The following ANKRD11 variants were observed in gnomAD, a reference collection of about 807,000 sequenced individuals.
The protein encoded by ANKRD11 is ankyrin repeat domain-containing protein 11.
Under a neutral mutation model 195.7 loss-of-function variants are expected in ANKRD11, and 17 were observed. The observed-to-expected ratio is 0.09, with a 90% confidence interval of 0.06 to 0.13. The LOEUF (loss-of-function observed/expected upper bound fraction) is 0.13. Ranked by LOEUF, ANKRD11 falls within the 10% of genes least tolerant of loss-of-function variation. The probability of loss-of-function intolerance (pLI) is 1.00; values close to 1 mark genes in which losing one functional copy is unlikely to be tolerated. For synonymous variants in ANKRD11, 1,953 were observed against 1,528.1 expected (o/e 1.28, Z -6.49); for missense variants, 3,735 against 3,566.1 (o/e 1.05, Z -1.21).
intron 2 of ANKRD11, among the ~76,000 whole-genome samples, chr16:89,387,444 G>A (rs1033264652): frequency 1.3e-5 from 2 of 150,232 alleles, no homozygotes; most frequent in African/African-American, 2.5e-5. Flanking sequence ...AGGCTGAGGC[G>A]GGCAGATCAC....
intron 2 of ANKRD11, among the ~76,000 whole-genome samples, chr16:89,371,123 G>C (rs1050310925): frequency 6.6e-6 from 1 of 152,162 alleles, no homozygotes; most frequent in Non-Finnish European, 1.5e-5. Flanking sequence ...GGGGGAAGAC[G>C]GGACGAGCGT....
intron 2 of ANKRD11, among the ~76,000 whole-genome samples, chr16:89,379,246 C>T (rs1188650464): frequency 6.6e-6 from 1 of 152,230 alleles, no homozygotes; most frequent in Non-Finnish European, 1.5e-5. Flanking sequence ...CAGGCTCATG[C>T]TTTTTTAATC....
chr16:89,475,173 G>C (rs779451410), intron 1 of ANKRD11, among the ~76,000 whole-genome samples: 1 of 152,218 alleles, frequency 6.6e-6, no homozygotes, highest in African/African-American at 2.4e-5. Flanking sequence ...CAGTGGGTTG[G>C]AGAGATGGAC....
intron 2 of ANKRD11, chr16:89,324,370 C>T (rs189386028): frequency 1.3e-5 from 11 of 868,192 alleles, no homozygotes; most frequent in Admixed American, 7.0e-5. Flanking sequence ...GCCAGGAGGG[C>T]GGCACGTGGG....
chr16:89,338,903 CA>C (rs775295551), intron 2 of ANKRD11, among the ~76,000 whole-genome samples: 2 of 151,938 alleles, frequency 1.3e-5, no homozygotes, highest in Admixed American at 6.6e-5. Context: ...TAATTAGTAA[CA>C]AAAAAATCAC....
At chr16:89,387,062 G>A (rs1448103376) in intron 2 of ANKRD11, among the ~76,000 whole-genome samples, 4 of 152,134 alleles carry the variant, frequency 2.6e-5, no homozygotes, top group African/African-American at 9.7e-5. Context: ...CCTGGAAGGT[G>A]CAGGAGCCAC....
chr16:89,343,047 T>C (rs183345790), intron 2 of ANKRD11, among the ~76,000 whole-genome samples: 9 of 152,334 alleles, frequency 5.9e-5, no homozygotes, highest in Admixed American at 3.9e-4. Flanking sequence ...TGAGACGCAG[T>C]CTTGCTGTTG....
rs1044246767 is a variant in ANKRD11 at position 89,286,509 on chromosome 16, G to C, written c.745-323C>G. 8.3e-5 allele frequency: 44 copies of C among 530,522 alleles called. No individual in the cohort carries two copies. The Admixed American group carries it at 1.6e-3, about 19-fold the overall frequency. The allele number at this position is 530,522 out of a possible 1,614,324, so 32.9% of individuals were successfully genotyped here. On this transcript the variant is annotated intron_variant, in intron 7 of 12. Coordinates refer to ENST00000301030, the MANE Select transcript of ANKRD11 (RefSeq NM_013275.6). The stretch of plus-strand genomic sequence containing the variant: ...TTGCCGCAAGTAGACGACTTCCCAG[G>C]AATCTTCTCACGAAGGCTCTCCCCT...
intron 1 of ANKRD11, among the ~76,000 whole-genome samples, chr16:89,479,877 A>G (rs2057385214): frequency 6.8e-6 from 1 of 147,938 alleles, no homozygotes; most frequent in Non-Finnish European, 1.5e-5. Flanking sequence ...TGGGAGTCGG[A>G]GCTTGCAGTG....
chr16:89,485,510 GGTTTCTTAGA>G (rs957522577), intron 1 of ANKRD11, among the ~76,000 whole-genome samples: 1 of 151,976 alleles, frequency 6.6e-6, no homozygotes, highest in Non-Finnish European at 1.5e-5. Context: ...AAAACTGTGA[GGTTTCTTAGA>G]GCTAGAATAG....
intron 1 of ANKRD11, among the ~76,000 whole-genome samples, chr16:89,473,425 A>C (rs962620190): frequency 6.6e-6 from 1 of 152,306 alleles, no homozygotes; most frequent in African/African-American, 2.4e-5. Flanking sequence ...CCATCATCTC[A>C]TCTCACCTCA....
At chr16:89,348,716 G>A (rs1448373750) in intron 2 of ANKRD11, among the ~76,000 whole-genome samples, 1 of 152,034 alleles carries the variant, frequency 6.6e-6, no homozygotes, top group African/African-American at 2.4e-5. Context: ...CATCTCAGCT[G>A]TCTAATTTAT....
At chr16:89,441,113 GT>G (rs2043441251) in intron 1 of ANKRD11, among the ~76,000 whole-genome samples, 2 of 151,846 alleles carry the variant, frequency 1.3e-5, no homozygotes. Context: ...GTGGGCGCCT[GT>G]AGTCCCAGCT....
chr16:89,381,319 G>C (rs867756995), intron 2 of ANKRD11, among the ~76,000 whole-genome samples: 1 of 126,988 alleles, frequency 7.9e-6, no homozygotes. Context: ...GCTACAGAGC[G>C]AGACTCTGCT....
At position 89,279,297 on chromosome 16, in the gene ANKRD11, C is replaced by A; in HGVS notation, c.7245G>T (p.Leu2415=). 2 of 1,611,800 alleles carry A rather than the reference C, an allele frequency of 1.2e-6. No individual in the cohort carries two copies. The highest frequency in any genetic ancestry group is 2.2e-5 in the South Asian group (2 of 90,934). The change falls in exon 9 of 13, where the codon CTG becomes CTT. Residue 2415 remains leucine (L), a synonymous_variant. Coordinates refer to ENST00000301030, the MANE Select transcript of ANKRD11 (RefSeq NM_013275.6). This position sits in a 1 kb window ranked among gnomAD's most constrained non-coding sequence, Gnocchi z 5.6. ...QQTREVIQQT[L]AAIVDAIKLD... ...GCTTGATGGCGTCCACGATGGCGGC[C>A]AGCGTCTGCTGGATCACCTCCCGCG...
chr16:89,398,904 C>T (rs1358410799), intron 2 of ANKRD11, among the ~76,000 whole-genome samples: 1 of 152,110 alleles, frequency 6.6e-6, no homozygotes, highest in African/African-American at 2.4e-5. Flanking sequence ...CTGTGCACAG[C>T]CACCCAGGAT....
intron 2 of ANKRD11, among the ~76,000 whole-genome samples, chr16:89,384,874 G>GTTTTTTTTT (rs1257714722): frequency 5.5e-5 from 4 of 72,762 alleles, no homozygotes; most frequent in African/African-American, 2.2e-4. Flanking sequence ...ATGAGAAATA[G>GTTTTTTTTT]TTTTCTTTTT....
intron 2 of ANKRD11, among the ~76,000 whole-genome samples, chr16:89,333,564 T>G (rs1279634422): frequency 6.6e-6 from 1 of 152,230 alleles, no homozygotes; most frequent in Admixed American, 6.5e-5. Flanking sequence ...CTGATCTTTG[T>G]GCTGTCTGCA....
rs2043419248 is a variant in ANKRD11 at position 89,440,814 on chromosome 16, A to G, written c.-144-22446T>C. 2.0e-5 allele frequency among the ~76,000 whole-genome samples: 3 copies of G among 152,220 alleles called. No homozygotes were observed. In the South Asian group the frequency reaches 6.2e-4, roughly 31 times the overall value. ...CCAAGCCTGCCGGGACTGAAAATAA[A>G]TCCATGTGGCATCAACAGGAACATC... is the stretch of plus-strand genomic sequence containing the variant. On this transcript the variant is annotated intron_variant, in intron 1 of 12. Coordinates refer to ENST00000301030, the MANE Select transcript of ANKRD11 (RefSeq NM_013275.6).
Sources: gnomAD v4.1 joint callset for allele counts (sites outside exome capture counted in the v4.1 genomes callset) on GRCh38, gnomAD v4.1.1 for gene constraint, Gnocchi (gnomAD v3.1) non-coding constraint, MANE v1.5 for transcripts, NCBI Gene and HGNC (gene_info 2026-07-23, HGNC 2026-07-21) for gene names.